FAXDC2: variants seen among roughly 807,000 people sequenced by gnomAD.
FAXDC2 encodes fatty acid hydroxylase domain-containing protein 2.
In FAXDC2, 41 loss-of-function variants were observed where a neutral mutation model predicts 40.9. That is an observed-to-expected ratio of 1.00 (90% CI 0.78 to 1.30). The LOEUF (loss-of-function observed/expected upper bound fraction) is 1.30, where lower values mean the gene tolerates loss of function less well. Ranked by LOEUF, FAXDC2 falls within the 50% of genes most tolerant of loss-of-function variation. FAXDC2 has a pLI of 0.00. For missense variants in FAXDC2, 390 were observed against 408.8 expected (o/e 0.95, Z 0.40); for synonymous variants, 157 against 149.3 (o/e 1.05, Z -0.38).
chr5:154,845,805 T>C (rs1290782494), intron 1 of FAXDC2, among the ~76,000 whole-genome samples: 2 of 150,652 alleles, frequency 1.3e-5, no homozygotes, highest in African/African-American at 2.4e-5. Flanking sequence ...TTTTTTTTTT[T>C]AGATGGAATC....
At position 154,821,426 on chromosome 5, in the gene FAXDC2, C is replaced by A; in HGVS notation, c.679G>T (p.Val227Phe). 1 of 1,610,384 alleles carries A rather than the reference C, an allele frequency of 6.2e-7. No homozygotes were observed. The highest frequency in any genetic ancestry group is 8.5e-7 in the Non-Finnish European group (1 of 1,178,460). Residue 227 changes from valine to phenylalanine, a missense_variant and splice_region_variant, in exon 8 of 9, where the codon GTC becomes TTC. Transcript: ENST00000326080. Reference sequence around the variant, plus strand: ...ACTATCACCGGTAGCATGTTGGAGACCTGCAAGAGGAGGGATGATTGAAGG... The same window carrying A: ...ACTATCACCGGTAGCATGTTGGAGAACTGCAAGAGGAGGGATGATTGAAGG... Reference protein sequence around the residue: ...SLYAHPIEHAVSNMLPVIVGP... With the variant: ...SLYAHPIEHAFSNMLPVIVGP...
At position 154,831,077 on chromosome 5, in the gene FAXDC2, C is replaced by G. The variant is rs1760176996; in HGVS notation, c.245-155G>C. The G allele has an allele frequency of 5.3e-6, 4 of 760,188 alleles. No individual in the cohort carries two copies. In the East Asian group the frequency reaches 1.1e-4, roughly 20 times the overall value. The allele number at this position is 760,188 out of a possible 1,614,324, so 47.1% of individuals were successfully genotyped here. On this transcript the variant is annotated intron_variant, in intron 4 of 8. Transcript: ENST00000326080. Reference sequence around the variant, plus strand: ...TTGGGACCAAGGGGTTACCTGTAGTCTTGGGTAGGAACTTGGACAGGCCAT... The same window carrying G: ...TTGGGACCAAGGGGTTACCTGTAGTGTTGGGTAGGAACTTGGACAGGCCAT...
At chr5:154,842,972 CAA>C (rs1330598320) in intron 1 of FAXDC2, among the ~76,000 whole-genome samples, 1 of 152,150 alleles carries the variant, frequency 6.6e-6, no homozygotes, top group Non-Finnish European at 1.5e-5. Context: ...AGGCCCAGCT[CAA>C]ATATTTAATG....
intron 2 of FAXDC2, among the ~76,000 whole-genome samples, chr5:154,835,825 C>T (rs1345819323): frequency 3.3e-5 from 5 of 150,296 alleles, no homozygotes; most frequent in African/African-American, 9.8e-5. Context: ...TTGTGATCTG[C>T]CCGCCTCAGC....
In FAXDC2 at chr5:154,837,407, G is replaced by T. The variant is rs149376293; in HGVS notation, c.48+724C>A. Among the ~76,000 whole-genome samples the T allele has an allele frequency of 2.5e-3, 384 of 152,188 alleles. 2 individuals are homozygous for T. Among genetic ancestry groups the T allele is most frequent in the African/African-American group, 8.6e-3 (359 of 41,518 alleles). ...GTCTCCCAAAGTGCTGGGATTACAGGTGTGAGCCACTGTAACCCACCAGAA... is the reference window on the plus strand; with the variant it reads ...GTCTCCCAAAGTGCTGGGATTACAGTTGTGAGCCACTGTAACCCACCAGAA... On this transcript the variant is annotated intron_variant, in intron 2 of 8. Coordinates refer to ENST00000326080, the MANE Select transcript of FAXDC2 (RefSeq NM_032385.5).
intron 1 of FAXDC2, among the ~76,000 whole-genome samples, chr5:154,846,767 A>G (rs1159894117): frequency 6.6e-6 from 1 of 151,780 alleles, no homozygotes; most frequent in East Asian, 1.9e-4. Context: ...TCCAAATTTT[A>G]TTTATTTATT....
intron 2 of FAXDC2, 114 bp downstream of exon 2, chr5:154,838,017 G>T (rs1328024628): frequency 2.1e-5 from 15 of 714,054 alleles, no homozygotes; most frequent in Non-Finnish European, 3.3e-5. Context: ...ACATTACCAT[G>T]TGTCAGCCAC....
rs1463457633 is a variant in FAXDC2 at position 154,842,678 on chromosome 5, A to G, written c.1-4500T>C. Among the ~76,000 whole-genome samples, 5 of 146,874 alleles carry G rather than the reference A, an allele frequency of 3.4e-5. No homozygotes were observed. The East Asian group carries it at 1.0e-3, about 29-fold the overall frequency. On this transcript the variant is annotated intron_variant, in intron 1 of 8. Coordinates refer to ENST00000326080, the MANE Select transcript of FAXDC2 (RefSeq NM_032385.5). ...GCTGGGATTACAGGCACGCACCACC[A>G]TGCCCAGCTAATTTTTGTATTTTTT...
chr5:154,847,622 G>C (rs926304006), intron 1 of FAXDC2, among the ~76,000 whole-genome samples: 1 of 151,002 alleles, frequency 6.6e-6, no homozygotes, highest in African/African-American at 2.4e-5. Flanking sequence ...TAAGTAGCTG[G>C]GATTACAGGC....
intron 2 of FAXDC2, among the ~76,000 whole-genome samples, chr5:154,837,285 T>TTGTC (rs1760375016): frequency 6.6e-6 from 1 of 150,878 alleles, no homozygotes; most frequent in Non-Finnish European, 1.5e-5. Context: ...TTTTGTTTTT[T>TTGTC]TGTTTGTTTG....
At chr5:154,839,354 C>T (rs925229534) in intron 1 of FAXDC2, among the ~76,000 whole-genome samples, 10 of 149,734 alleles carry the variant, frequency 6.7e-5, no homozygotes, top group Admixed American at 4.0e-4. Context: ...AAAAGAAATA[C>T]GTCTGAGGCT....
chr5:154,844,245 C>T (rs1407024022), intron 1 of FAXDC2, among the ~76,000 whole-genome samples: 1 of 150,794 alleles, frequency 6.6e-6, no homozygotes, highest in Admixed American at 6.6e-5. Flanking sequence ...GCCTGGAAAA[C>T]ATAGTGAGAC....
rs1282097550 is a variant in FAXDC2, at chr5:154,821,243, G to T, written c.845+17C>A. ...TGGTTGTTGCCTAGGGACCCATTGTGGGGAGAAGGTCCTTACTTGAGATGG... is the reference window on the plus strand; with the variant it reads ...TGGTTGTTGCCTAGGGACCCATTGTTGGGAGAAGGTCCTTACTTGAGATGG... On this transcript the variant is annotated intron_variant, in intron 8 of 8. Transcript: ENST00000326080. The T allele has an allele frequency of 4.4e-6, 7 of 1,606,042 alleles. No individual in the cohort carries two copies. In the South Asian group the frequency reaches 6.6e-5, roughly 15 times the overall value.
chr5:154,830,636 G>A, intron 5 of FAXDC2, 165 bp downstream of exon 5: 2 of 702,022 alleles, frequency 2.8e-6, no homozygotes, highest in East Asian at 2.8e-5. Flanking sequence ...CTGAGGTTGT[G>A]GGCAAATTAT....
At position 154,837,271 on chromosome 5, in the gene FAXDC2, TTTTTTTTG is replaced by T. The variant is rs1183712153; in HGVS notation, c.48+852_48+859del. 4.8e-5 allele frequency among the ~76,000 whole-genome samples: 7 copies of T among 144,622 alleles called. No homozygotes were observed. The East Asian group carries it at 1.4e-3, about 28-fold the overall frequency. 94.9% of individuals were successfully genotyped at this position (144,622 alleles called of 152,430 possible). A position where few individuals can be genotyped will look rare whatever the true frequency, so the allele number is the denominator to read the frequency against. On this transcript the variant is annotated intron_variant, in intron 2 of 8. Transcript: ENST00000326080. ...CCAGACCAATTGGAGGAACTTGCTC[TTTTTTTTG>T]TTTTTTTGTTTGTTTGTTTGTTTGT... is the stretch of plus-strand genomic sequence containing the variant.
intron 2 of FAXDC2, among the ~76,000 whole-genome samples, chr5:154,836,482 C>G (rs926973920): frequency 2.0e-5 from 3 of 152,178 alleles, no homozygotes; most frequent in Admixed American, 2.0e-4. Flanking sequence ...CCACTCATAT[C>G]CCGTTTCTAA....
intron 3 of FAXDC2, 27 bp downstream of exon 3, chr5:154,834,816 C>T (rs1412937478): frequency 3.8e-6 from 6 of 1,599,496 alleles, no homozygotes; most frequent in Non-Finnish European, 5.1e-6. Context: ...CACCACACTG[C>T]ACCCTAGCTG....
Position 154,822,020 on chromosome 5 carries a change from C to T in FAXDC2, c.678+452G>A, listed in dbSNP as rs10074234. ...AGGAGAATGGCTTGAACCCGGGAGG[C>T]GGGAGATTGCAGTGAGCCGAGATCA... On this transcript the variant is annotated intron_variant, in intron 7 of 8. Coordinates refer to ENST00000326080, the MANE Select transcript of FAXDC2 (RefSeq NM_032385.5). 9.6e-3 allele frequency: 1,516 copies of T among 158,196 alleles called. 33 individuals are homozygous for T. The highest frequency in any genetic ancestry group is 0.034 in the African/African-American group (1,421 of 41,586). 9.8% of individuals were successfully genotyped at this position (158,196 alleles called of 1,614,324 possible).
intron 8 of FAXDC2, chr5:154,821,003 T>G: frequency 2.2e-6 from 1 of 461,748 alleles, no homozygotes; most frequent in East Asian, 4.6e-5. Context: ...ATATGTACTT[T>G]TCTAAAGAGA....
Sources: gnomAD v4.1 joint callset for allele counts (sites outside exome capture counted in the v4.1 genomes callset) on GRCh38, gnomAD v4.1.1 for gene constraint, MANE v1.5 for transcripts, NCBI Gene and HGNC (gene_info 2026-07-23, HGNC 2026-07-21) for gene names.